PTPRB: variants seen among roughly 807,000 people sequenced by gnomAD.
PTPRB encodes receptor-type tyrosine-protein phosphatase beta.
Under a neutral mutation model 238.1 loss-of-function variants are expected in PTPRB, and 97 were observed. The ratio of observed to expected loss-of-function variants is 0.41; its 90% confidence interval spans 0.35 to 0.48. The LOEUF is 0.48. Ranked by LOEUF, PTPRB falls within the 20% of genes least tolerant of loss-of-function variation. PTPRB has a pLI of 0.30. For synonymous variants in PTPRB, 970 were observed against 995.4 expected, an observed-to-expected ratio of 0.97 and a Z score of 0.48; for missense variants, 2,292 against 2,681.9, an observed-to-expected ratio of 0.85 and a Z score of 3.21.
intron 11 of PTPRB, among the ~76,000 whole-genome samples, chr12:70,574,113 T>C (rs1477709063): frequency 1.3e-5 from 2 of 152,202 alleles, no homozygotes; most frequent in African/African-American, 4.8e-5. Flanking sequence ...TAAACTCTTG[T>C]CCTAATACTA....
chr12:70,588,241 A>G (rs1882139453), intron 8 of PTPRB, among the ~76,000 whole-genome samples: 2 of 152,122 alleles, frequency 1.3e-5, no homozygotes, highest in African/African-American at 4.8e-5. Context: ...TGAGTCCCTA[A>G]CTCTCCATCT....
intron 9 of PTPRB, among the ~76,000 whole-genome samples, chr12:70,581,863 C>G (rs1304919021): frequency 6.6e-6 from 1 of 151,418 alleles, no homozygotes; most frequent in Non-Finnish European, 1.5e-5. Context: ...TACTGAAGGC[C>G]TACTATGTGC....
rs1393581907 is a variant in PTPRB at position 70,563,061 on chromosome 12, C to T, written c.3951G>A (p.Arg1317=). ...TDLRITENST[R]HLSFRWTASE... ...AGGCGGTCCAGCGGAAGGACAGGTG[C>T]CTGGTGGAGTTCTCTGTGATCCTCA... The change falls in exon 16 of 34, where the codon AGG becomes AGA. Residue 1317 remains arginine, a synonymous_variant. Coordinates refer to ENST00000334414, the MANE Select transcript of PTPRB (RefSeq NM_001109754.4). The T allele has an allele frequency of 8.7e-6, 14 of 1,613,548 alleles. No homozygotes were observed. Among genetic ancestry groups the T allele is most frequent in the Non-Finnish European group, 1.2e-5 (14 of 1,179,722 alleles).
intron 7 of PTPRB, among the ~76,000 whole-genome samples, chr12:70,590,749 C>T (rs1318640792): frequency 6.6e-6 from 1 of 151,828 alleles, no homozygotes; most frequent in Non-Finnish European, 1.5e-5. Flanking sequence ...ATCCTCTCTC[C>T]TTCCCTACCC....
intron 32 of PTPRB, among the ~76,000 whole-genome samples, chr12:70,529,724 C>T (rs1325572162): frequency 6.6e-6 from 1 of 152,072 alleles, no homozygotes; most frequent in Non-Finnish European, 1.5e-5. Context: ...AGGCAGAGGT[C>T]ATCAGTGGCT....
chr12:70,620,550 T>C, intron 3 of PTPRB, among the ~76,000 whole-genome samples: 1 of 152,202 alleles, frequency 6.6e-6, no homozygotes, highest in East Asian at 1.9e-4. Context: ...ATTTAAGCTA[T>C]GATATAAATA....
intron 16 of PTPRB, among the ~76,000 whole-genome samples, chr12:70,562,085 T>C (rs1465908896): frequency 2.6e-5 from 4 of 152,074 alleles, no homozygotes; most frequent in South Asian, 2.1e-4. Flanking sequence ...GCCTGGGCAA[T>C]ACAGGGAGGC....
At chr12:70,535,325 T>G (rs566744061) in intron 29 of PTPRB, among the ~76,000 whole-genome samples, 33 of 150,368 alleles carry the variant, frequency 2.2e-4, no homozygotes, top group Admixed American at 8.0e-4. Context: ...GAAAGAAATA[T>G]CTAGTTGGGT....
In PTPRB at chr12:70,626,288, TATCCATCC is replaced by T. The variant is rs199901317; in HGVS notation, c.452-3650_452-3643del. ...AGATACTTTAGAAAAGGATGATGTC[TATCCATCC>T]ATCTATCTATCTATCTATCTATCTA... On this transcript the variant is annotated intron_variant, in intron 2 of 33. Coordinates refer to ENST00000334414, the MANE Select transcript of PTPRB (RefSeq NM_001109754.4). 1.9e-4 allele frequency among the ~76,000 whole-genome samples: 22 copies of T among 117,716 alleles called. 3 individuals carry two copies. Among genetic ancestry groups the T allele is most frequent in the African/African-American group, 7.0e-4 (20 of 28,642 alleles). 77.2% of individuals were successfully genotyped at this position (117,716 alleles called of 152,430 possible). A position where few individuals can be genotyped will look rare whatever the true frequency, so the allele number is the denominator to read the frequency against.
chr12:70,543,744 C>G (rs1592432716), intron 22 of PTPRB, among the ~76,000 whole-genome samples: 1 of 152,152 alleles, frequency 6.6e-6, no homozygotes, highest in Non-Finnish European at 1.5e-5. Flanking sequence ...TATTCTCAGC[C>G]TGGTGGAAGT....
At chr12:70,581,706 A>T (rs564844991) in intron 9 of PTPRB, among the ~76,000 whole-genome samples, 16 of 152,174 alleles carry the variant, frequency 1.1e-4, no homozygotes, top group African/African-American at 3.9e-4. Context: ...TGGTATTGGG[A>T]ATTCCCTTCA....
At chr12:70,563,942 T>C (rs1054420754) in intron 15 of PTPRB, among the ~76,000 whole-genome samples, 4 of 152,194 alleles carry the variant, frequency 2.6e-5, no homozygotes, top group Non-Finnish European at 4.4e-5. Flanking sequence ...TTCATTCAGC[T>C]ATTGGTCCTT....
chr12:70,535,224 G>GTTT (rs71457059), intron 29 of PTPRB, among the ~76,000 whole-genome samples: 1 of 82,004 alleles, frequency 1.2e-5, no homozygotes, highest in Non-Finnish European at 2.4e-5. Flanking sequence ...TATGGCTTGA[G>GTTT]TTTTTTTTTT....
chr12:70,635,583 G>GT, intron 2 of PTPRB, 88 bp downstream of exon 2: 1 of 1,376,924 alleles, frequency 7.3e-7, no homozygotes, highest in East Asian at 2.5e-5. Flanking sequence ...TCCCTTAAAT[G>GT]TAAAACAAAC....
chr12:70,575,081 T>G (rs1321399871), intron 11 of PTPRB, among the ~76,000 whole-genome samples: 2 of 152,156 alleles, frequency 1.3e-5, no homozygotes, highest in Non-Finnish European at 2.9e-5. Context: ...ATTATTGTGA[T>G]TGTCAGTGTA....
At chr12:70,609,919 T>G in intron 3 of PTPRB, 3 of 1,070,410 alleles carry the variant, frequency 2.8e-6, no homozygotes, top group Non-Finnish European at 3.8e-6. Context: ...GCGCGCCCCG[T>G]GGGCGCAGCG....
chr12:70,605,216 C>T (rs1234750293), intron 4 of PTPRB, among the ~76,000 whole-genome samples: 1 of 152,158 alleles, frequency 6.6e-6, no homozygotes, highest in South Asian at 2.1e-4. Context: ...TCTACCACTA[C>T]AACTCTTCCC....
chr12:70,603,297 C>T (rs1883673279), intron 4 of PTPRB, among the ~76,000 whole-genome samples: 1 of 152,140 alleles, frequency 6.6e-6, no homozygotes, highest in African/African-American at 2.4e-5. Context: ...AAAAGTTCAA[C>T]ACAATCAGAG....
Position 70,596,031 on chromosome 12 carries a change from A to G in PTPRB, c.1258+18T>C. The G allele has an allele frequency of 3.2e-6, 5 of 1,545,066 alleles. No individual in the cohort carries two copies. Among genetic ancestry groups the G allele is most frequent in the Non-Finnish European group, 8.8e-7 (1 of 1,138,822 alleles). ...AGTATCCTATTAACTACTCAGCTAT[A>G]AAATAAACAGGTCTTACCTGTTGAT... is the stretch of plus-strand genomic sequence containing the variant. On this transcript the variant is annotated intron_variant, in intron 5 of 33. Coordinates refer to ENST00000334414, the MANE Select transcript of PTPRB (RefSeq NM_001109754.4).
Sources: gnomAD v4.1 joint callset for allele counts (sites outside exome capture counted in the v4.1 genomes callset) on GRCh38, gnomAD v4.1.1 for gene constraint, MANE v1.5 for transcripts, NCBI Gene and HGNC (gene_info 2026-07-23, HGNC 2026-07-21) for gene names.